Variants in GRID2 observed in about 807,000 individuals in gnomAD.
GRID2 encodes the protein glutamate ionotropic receptor delta type subunit 2, also known as glutamate receptor ionotropic, delta-2.
A neutral mutation model predicts 114.8 loss-of-function variants in GRID2; 33 were observed. That is an observed-to-expected ratio of 0.29 (90% CI 0.22 to 0.38). GRID2 has a LOEUF of 0.38. Ranked by LOEUF, GRID2 falls within the 10% of genes least tolerant of loss-of-function variation. The probability of loss-of-function intolerance (pLI) is 1.00; values close to 1 mark genes in which losing one functional copy is unlikely to be tolerated. For synonymous variants in GRID2, 505 were observed against 449.9 expected (o/e 1.12, Z -1.55); for missense variants, 1,184 against 1,257.7 (o/e 0.94, Z 0.89).
At chr4:93,211,369 A>G (rs578249371) in intron 5 of GRID2, among the ~76,000 whole-genome samples, 16 of 152,288 alleles carry the variant, frequency 1.1e-4, no homozygotes, top group African/African-American at 3.6e-4. Context: ...CATAAGCATT[A>G]TGATTCATGT....
chr4:93,111,612 AG>A (rs1267050001), intron 4 of GRID2, among the ~76,000 whole-genome samples: 30 of 152,252 alleles, frequency 2.0e-4, no homozygotes, highest in African/African-American at 5.5e-4. Context: ...GCCTTGTAAA[AG>A]TTTATTGTCA....
chr4:93,361,370 A>C (rs1344416615), intron 8 of GRID2, among the ~76,000 whole-genome samples: 1 of 151,984 alleles, frequency 6.6e-6, no homozygotes, highest in Non-Finnish European at 1.5e-5. Context: ...TGTAAGAAGT[A>C]AGCTATTTTT....
chr4:93,282,474 G>C (rs1056947827), intron 8 of GRID2: 1 of 369,500 alleles, frequency 2.7e-6, no homozygotes. Flanking sequence ...GCAGAAGACC[G>C]TACAAAAAGG....
At chr4:92,719,563 G>A (rs1446188652) in intron 2 of GRID2, among the ~76,000 whole-genome samples, 2 of 152,094 alleles carry the variant, frequency 1.3e-5, no homozygotes, top group African/African-American at 4.8e-5. Context: ...AGAACAGAAA[G>A]TTGACAAATG....
rs560748027 is a variant in GRID2 at position 93,238,797 on chromosome 4, A to G, written c.1245+307A>G. Among the ~76,000 whole-genome samples the G allele has an allele frequency of 2.6e-5, 4 of 151,874 alleles. No individual in the cohort carries two copies. The South Asian group carries it at 8.3e-4, about 31-fold the overall frequency. On this transcript the variant is annotated intron_variant, in intron 8 of 15. Coordinates refer to ENST00000282020, the MANE Select transcript of GRID2 (RefSeq NM_001510.4). Reference sequence around the variant, plus strand: ...TTATAAAATAGTAAATTTAATATTTATACACTTTGTAGCTGCTTGGTTTTT... The same window carrying G: ...TTATAAAATAGTAAATTTAATATTTGTACACTTTGTAGCTGCTTGGTTTTT...
intron 5 of GRID2, among the ~76,000 whole-genome samples, chr4:93,212,731 A>T (rs1196340601): frequency 6.6e-6 from 1 of 151,614 alleles, no homozygotes; most frequent in Non-Finnish European, 1.5e-5. Flanking sequence ...ATCACTGCTG[A>T]GTATTACATT....
At position 93,145,503 on chromosome 4, in the gene GRID2, C is replaced by A. The variant is rs1450083922; in HGVS notation, c.735+34550C>A. Among the ~76,000 whole-genome samples the A allele has an allele frequency of 6.1e-5, 9 of 147,324 alleles. No individual in the cohort carries two copies. The Admixed American group carries it at 6.2e-4, about 10-fold the overall frequency. ...TTTGAGACAGTTTCACTCTTGTCAC[C>A]CAAGCTGGATTGCAATGGTGTGATC... is the stretch of plus-strand genomic sequence containing the variant. On this transcript the variant is annotated intron_variant, in intron 4 of 15. Coordinates refer to ENST00000282020, the MANE Select transcript of GRID2 (RefSeq NM_001510.4).
At chr4:92,425,299 G>T (rs544363398) in intron 1 of GRID2, among the ~76,000 whole-genome samples, 1 of 151,880 alleles carries the variant, frequency 6.6e-6, no homozygotes, top group Non-Finnish European at 1.5e-5. Flanking sequence ...AGTACTTTAG[G>T]AACAGCTCAT....
At chr4:92,834,411 C>T (rs1410366093) in intron 2 of GRID2, among the ~76,000 whole-genome samples, 1 of 152,006 alleles carries the variant, frequency 6.6e-6, no homozygotes, top group Non-Finnish European at 1.5e-5. Context: ...TGTCATTTGG[C>T]ATTATAACAG....
chr4:92,686,899 T>G (rs1004395144), intron 2 of GRID2, among the ~76,000 whole-genome samples: 2 of 152,136 alleles, frequency 1.3e-5, no homozygotes, highest in Non-Finnish European at 2.9e-5. Flanking sequence ...TCAAAAAATA[T>G]GTGTTTCAGC....
At chr4:93,638,305 T>TC (rs1721609990) in intron 14 of GRID2, among the ~76,000 whole-genome samples, 1 of 42,390 alleles carries the variant, frequency 2.4e-5, no homozygotes, top group Non-Finnish European at 4.8e-5. Context: ...TTGCATCTTT[T>TC]TTTTTTTTTT....
At chr4:93,287,319 C>T (rs545073316) in intron 8 of GRID2, among the ~76,000 whole-genome samples, 1 of 152,108 alleles carries the variant, frequency 6.6e-6, no homozygotes, top group Admixed American at 6.6e-5. Context: ...TCAGGCCTTA[C>T]CTGAATTACT....
intron 14 of GRID2, among the ~76,000 whole-genome samples, chr4:93,728,979 C>T (rs1050167440): frequency 6.6e-6 from 1 of 152,126 alleles, no homozygotes; most frequent in African/African-American, 2.4e-5. Flanking sequence ...GCATTTAGCC[C>T]ATTTACATTC....
intron 2 of GRID2, among the ~76,000 whole-genome samples, chr4:92,656,455 C>T (rs950319867): frequency 6.7e-6 from 1 of 149,404 alleles, no homozygotes; most frequent in East Asian, 2.0e-4. Flanking sequence ...CTTACCTAGC[C>T]ACCATGAAAG....
intron 13 of GRID2, among the ~76,000 whole-genome samples, chr4:93,528,291 A>AT (rs1731117582): frequency 6.6e-6 from 1 of 152,012 alleles, no homozygotes; most frequent in Admixed American, 6.6e-5. Context: ...TTGGGTATAT[A>AT]TCCAGAAGTG....
At chr4:93,079,227 A>T (rs1412647779) in intron 2 of GRID2, among the ~76,000 whole-genome samples, 1 of 151,964 alleles carries the variant, frequency 6.6e-6, no homozygotes, top group East Asian at 1.9e-4. Context: ...AGTGTACTCA[A>T]TACTTTCTAG....
intron 2 of GRID2, among the ~76,000 whole-genome samples, chr4:92,607,403 T>C (rs1033098861): frequency 6.6e-6 from 1 of 151,916 alleles, no homozygotes; most frequent in African/African-American, 2.4e-5. Flanking sequence ...TTTTCAGTGT[T>C]TTTCCTTTAT....
chr4:93,176,504 G>A (rs557480432), intron 4 of GRID2, among the ~76,000 whole-genome samples: 19 of 152,242 alleles, frequency 1.2e-4, no homozygotes, highest in African/African-American at 4.6e-4. Flanking sequence ...TCACATTTCT[G>A]TCAGTAGCAT....
intron 12 of GRID2, among the ~76,000 whole-genome samples, chr4:93,494,101 A>G (rs192944725): frequency 2.6e-5 from 4 of 151,998 alleles, no homozygotes; most frequent in South Asian, 2.1e-4. Flanking sequence ...ACTAATGCCA[A>G]AGTTTCTTGG....
Sources: gnomAD v4.1 joint callset for allele counts (sites outside exome capture counted in the v4.1 genomes callset) on GRCh38, gnomAD v4.1.1 for gene constraint, MANE v1.5 for transcripts, NCBI Gene and HGNC (gene_info 2026-07-23, HGNC 2026-07-21) for gene names.